Variants in KCNIP4 observed in about 807,000 individuals in gnomAD.
The protein encoded by KCNIP4 is Kv channel-interacting protein 4.
Under a neutral mutation model 34.0 loss-of-function variants are expected in KCNIP4, and 12 were observed. That is an observed-to-expected ratio of 0.35 (90% CI 0.23 to 0.57). The LOEUF is 0.57. Ranked by LOEUF, KCNIP4 falls within the 20% of genes least tolerant of loss-of-function variation. KCNIP4 has a pLI of 0.83. For missense variants in KCNIP4, 238 were observed against 311.7 expected, an observed-to-expected ratio of 0.76 and a Z score of 1.78; for synonymous variants, 124 against 102.2, an observed-to-expected ratio of 1.21 and a Z score of -1.29.
chr4:20,758,551 TAGTC>T (rs1248920638), intron 4 of KCNIP4, among the ~76,000 whole-genome samples: 2 of 152,212 alleles, frequency 1.3e-5, no homozygotes, highest in African/African-American at 2.4e-5. Flanking sequence ...ACCCTCATAA[TAGTC>T]AGAAAACATT....
intron 6 of KCNIP4, 138 bp from the exon 7 acceptor site, chr4:20,732,923 G>A (rs1748691203): frequency 1.7e-6 from 1 of 587,624 alleles, no homozygotes. Flanking sequence ...ACGACTGTTG[G>A]TTGTCCCAAA....
At chr4:21,081,942 A>G (rs999626157) in intron 1 of KCNIP4, among the ~76,000 whole-genome samples, 2 of 151,806 alleles carry the variant, frequency 1.3e-5, no homozygotes, top group Non-Finnish European at 2.9e-5. Flanking sequence ...TCAAAGCTCT[A>G]TGTCCAATAA....
chr4:21,030,506 T>C (rs767749187), intron 1 of KCNIP4, among the ~76,000 whole-genome samples: 12 of 152,108 alleles, frequency 7.9e-5, no homozygotes, highest in Admixed American at 4.6e-4. Flanking sequence ...CCCACGTCCA[T>C]GGAAAAAGTG....
intron 1 of KCNIP4, chr4:20,984,024 C>A: frequency 1.3e-6 from 2 of 1,492,232 alleles, no homozygotes; most frequent in South Asian, 2.6e-5. Context: ...CAAAGACTTG[C>A]AAGGGGAAAA....
At chr4:21,338,594 G>A (rs1716424172) in intron 1 of KCNIP4, among the ~76,000 whole-genome samples, 1 of 149,998 alleles carries the variant, frequency 6.7e-6, no homozygotes, top group Non-Finnish European at 1.5e-5. Flanking sequence ...GTGACAGAGT[G>A]AGACTCTGCT....
At chr4:21,084,789 C>T (rs1450709228) in intron 1 of KCNIP4, among the ~76,000 whole-genome samples, 1 of 151,308 alleles carries the variant, frequency 6.6e-6, no homozygotes, top group East Asian at 1.9e-4. Context: ...CCTCTTTCTA[C>T]ATAATCATCT....
At chr4:20,865,288 G>A (rs551873129) in intron 2 of KCNIP4, among the ~76,000 whole-genome samples, 3 of 152,068 alleles carry the variant, frequency 2.0e-5, no homozygotes, top group African/African-American at 7.2e-5. Context: ...AGAGAAAAGA[G>A]TAATGACAAA....
chr4:20,839,975 A>C (rs1719526789), intron 3 of KCNIP4, among the ~76,000 whole-genome samples: 1 of 152,204 alleles, frequency 6.6e-6, no homozygotes, highest in African/African-American at 2.4e-5. Context: ...ATGTTGGGAA[A>C]GTGTCTACCA....
chr4:21,095,480 T>A (rs1747380285), intron 1 of KCNIP4, among the ~76,000 whole-genome samples: 1 of 152,226 alleles, frequency 6.6e-6, no homozygotes, highest in African/African-American at 2.4e-5. Context: ...AAATTATTTT[T>A]AAAATATGAC....
intron 1 of KCNIP4, among the ~76,000 whole-genome samples, chr4:21,434,712 G>C (rs921547120): frequency 3.3e-5 from 5 of 151,260 alleles, no homozygotes; most frequent in African/African-American, 1.2e-4. Flanking sequence ...AATGCCTGAT[G>C]CAACAGTTTC....
In KCNIP4 at chr4:21,234,072, C is replaced by CATAT. The variant is rs200168975; in HGVS notation, c.62-351364_62-351363insATAT. On this transcript the variant is annotated intron_variant, in intron 1 of 8. Transcript: ENST00000382152. The stretch of plus-strand genomic sequence containing the variant: ...ATAACACATAACATATATAACATAA[C>CATAT]ATAACATATAACGTATATTATATAT... Among the ~76,000 whole-genome samples, 20 of 92,724 alleles carry CATAT rather than the reference C, an allele frequency of 2.2e-4. 4 individuals carry two copies. Among genetic ancestry groups the CATAT allele is most frequent in the African/African-American group, 1.2e-3 (16 of 13,236 alleles). The allele number at this position is 92,724 out of a possible 152,430, so 60.8% of individuals were successfully genotyped here.
intron 1 of KCNIP4, among the ~76,000 whole-genome samples, chr4:21,779,060 T>A (rs1054135116): frequency 6.6e-6 from 1 of 152,082 alleles, no homozygotes; most frequent in Non-Finnish European, 1.5e-5. Flanking sequence ...TATAAATGAA[T>A]CTTGCCTCTT....
At chr4:20,883,314 A>T (rs1332735575) in intron 1 of KCNIP4, among the ~76,000 whole-genome samples, 2 of 152,166 alleles carry the variant, frequency 1.3e-5, no homozygotes, top group Non-Finnish European at 2.9e-5. Context: ...TTACATGTGG[A>T]CGCTAATGAA....
intron 1 of KCNIP4, among the ~76,000 whole-genome samples, chr4:21,615,035 G>C (rs971394436): frequency 9.2e-5 from 14 of 152,074 alleles, no homozygotes; most frequent in Non-Finnish European, 1.5e-4. Context: ...TGGCATCTAT[G>C]GGATAGGCTT....
chr4:20,971,763 GA>G (rs1734973878), intron 1 of KCNIP4, among the ~76,000 whole-genome samples: 1 of 152,164 alleles, frequency 6.6e-6, no homozygotes, highest in Non-Finnish European at 1.5e-5. Context: ...ATAAGACAAT[GA>G]AATTTGCCTC....
At chr4:21,229,011 G>A (rs1245280700) in intron 1 of KCNIP4, among the ~76,000 whole-genome samples, 2 of 152,118 alleles carry the variant, frequency 1.3e-5, no homozygotes, top group African/African-American at 4.8e-5. Context: ...TAAATTTTCA[G>A]TTGTTCTTCA....
intron 1 of KCNIP4, among the ~76,000 whole-genome samples, chr4:21,112,504 A>T (rs1749307494): frequency 6.6e-6 from 1 of 152,188 alleles, no homozygotes; most frequent in South Asian, 2.1e-4. Context: ...ACATGCAAAG[A>T]TGGGCTGCCA....
At chr4:21,365,775 C>G (rs916075044) in intron 1 of KCNIP4, among the ~76,000 whole-genome samples, 3 of 152,044 alleles carry the variant, frequency 2.0e-5, no homozygotes, top group African/African-American at 7.2e-5. Context: ...TAATTTGAAG[C>G]CTGAGATCAG....
chr4:21,724,570 CT>C lies in KCNIP4; in HGVS notation c.61+224000del, dbSNP rs397790836. ...CACTTTACATAGGCTCAGTGAGGGCCTTTTTTTTTTTTAACCTCTTCAGTAT... is the reference window on the plus strand; with the variant it reads ...CACTTTACATAGGCTCAGTGAGGGCCTTTTTTTTTTTAACCTCTTCAGTAT... On this transcript the variant is annotated intron_variant, in intron 1 of 8. Transcript: ENST00000382152. Among the ~76,000 whole-genome samples, 759 of 143,416 alleles carry C rather than the reference CT, an allele frequency of 5.3e-3. 2 individuals carry two copies. The highest frequency in any genetic ancestry group is 0.011 in the African/African-American group (418 of 39,516). The allele number at this position is 143,416 out of a possible 152,430, so 94.1% of individuals were successfully genotyped here. A position where few individuals can be genotyped will look rare whatever the true frequency, so the allele number is the denominator to read the frequency against.
Sources: allele counts gnomAD v4.1 joint callset (sites outside exome capture counted in the v4.1 genomes callset), GRCh38; gene constraint gnomAD v4.1.1; transcripts MANE v1.5; gene names NCBI Gene and HGNC (gene_info 2026-07-23, HGNC 2026-07-21).